The following LHFPL3 variants were observed in gnomAD, a reference collection of about 807,000 sequenced individuals.
The protein encoded by LHFPL3 is LHFPL tetraspan subfamily member 3, also known as LHFPL tetraspan subfamily member 3 protein.
LHFPL3 carries 5 observed loss-of-function variants against 19.3 expected under a neutral mutation model. The observed-to-expected ratio is 0.26, with a 90% CI of 0.14 to 0.54. The LOEUF is 0.54. Among genes scored for constraint, LHFPL3 ranks in the 20% least tolerant of loss-of-function variants. LHFPL3 has a pLI of 0.94. For synonymous variants in LHFPL3, 133 were observed against 126.2 expected, an observed-to-expected ratio of 1.05 and a Z score of -0.36; for missense variants, 249 against 307.4, an observed-to-expected ratio of 0.81 and a Z score of 1.42.
In LHFPL3 at chr7:104,368,652, C is replaced by CGTGTGTGTGTGT. The variant is rs67849394; in HGVS notation, c.445+39445_445+39456dup. On this transcript the variant is annotated intron_variant, in intron 1 of 2. Coordinates refer to ENST00000424859, the MANE Select transcript of LHFPL3 (RefSeq NM_199000.3). ...TCCAGACATGGTGTGCACACATGTA[C>CGTGTGTGTGTGT]GTGTGTGTGTGTGTGTGTGTGTGTG... is the stretch of plus-strand genomic sequence containing the variant. Among the ~76,000 whole-genome samples, 119 of 150,208 alleles carry CGTGTGTGTGTGT rather than the reference C, an allele frequency of 7.9e-4. 1 individual carries two copies. Among genetic ancestry groups the CGTGTGTGTGTGT allele is most frequent in the East Asian group, 1.4e-3 (7 of 5,064 alleles).
At chr7:104,549,292 C>T (rs1159630603) in intron 1 of LHFPL3, among the ~76,000 whole-genome samples, 4 of 147,088 alleles carry the variant, frequency 2.7e-5, no homozygotes, top group African/African-American at 1.1e-4. Flanking sequence ...GTTCTCACGA[C>T]AATCTGAGAA....
chr7:104,345,678 C>T (rs1790051270), intron 1 of LHFPL3, among the ~76,000 whole-genome samples: 2 of 152,004 alleles, frequency 1.3e-5, no homozygotes, highest in South Asian at 2.1e-4. Flanking sequence ...GATATTGAAG[C>T]TACATTCAAT....
chr7:104,677,845 T>A (rs1292658629), intron 1 of LHFPL3, among the ~76,000 whole-genome samples: 2 of 152,246 alleles, frequency 1.3e-5, no homozygotes, highest in East Asian at 3.8e-4. Flanking sequence ...ATAAAAGAAA[T>A]TTAATAAACA....
chr7:104,849,102 T>G (rs910403927), intron 2 of LHFPL3, among the ~76,000 whole-genome samples: 2 of 152,142 alleles, frequency 1.3e-5, no homozygotes, highest in Admixed American at 1.3e-4. Flanking sequence ...GGCTAATTTT[T>G]GTACTTTTAG....
intron 1 of LHFPL3, among the ~76,000 whole-genome samples, chr7:104,578,780 G>C (rs1055868961): frequency 2.6e-5 from 4 of 152,152 alleles, no homozygotes; most frequent in Non-Finnish European, 5.9e-5. Context: ...CCTGAAAATA[G>C]TTAGAATTGA....
intron 2 of LHFPL3, among the ~76,000 whole-genome samples, chr7:104,848,155 A>G (rs531352069): frequency 6.6e-6 from 1 of 152,318 alleles, no homozygotes; most frequent in East Asian, 1.9e-4. Context: ...AATGAGAGGC[A>G]GCTCATCTGG....
At chr7:104,729,153 A>C (rs1455208363) in intron 1 of LHFPL3, among the ~76,000 whole-genome samples, 1 of 152,210 alleles carries the variant, frequency 6.6e-6, no homozygotes, top group African/African-American at 2.4e-5. Context: ...CAGCCTTACT[A>C]AAAATGAAAT....
intron 1 of LHFPL3, among the ~76,000 whole-genome samples, chr7:104,618,945 G>C (rs1383179685): frequency 6.6e-6 from 1 of 152,206 alleles, no homozygotes; most frequent in African/African-American, 2.4e-5. Flanking sequence ...GGCAGCAGAA[G>C]AAGAGGCCCC....
At position 104,532,285 on chromosome 7, in the gene LHFPL3, GT is replaced by G. The variant is rs80134974; in HGVS notation, c.445+203071del. 1.5e-4 allele frequency among the ~76,000 whole-genome samples: 17 copies of G among 109,896 alleles called. 1 individual carries two copies. Among genetic ancestry groups the G allele is most frequent in the Admixed American group, 3.7e-4 (4 of 10,810 alleles). The allele number at this position is 109,896 out of a possible 152,430, so 72.1% of individuals were successfully genotyped here. On this transcript the variant is annotated intron_variant, in intron 1 of 2. Coordinates refer to ENST00000424859, the MANE Select transcript of LHFPL3 (RefSeq NM_199000.3). ...GCATGTGCCACCATGCTTGGCTAAT[GT>G]TTTTTTTTTCTTTTTTTCTTTTTCT...
At chr7:104,525,472 A>G (rs1447322720) in intron 1 of LHFPL3, among the ~76,000 whole-genome samples, 4 of 152,212 alleles carry the variant, frequency 2.6e-5, no homozygotes, top group Admixed American at 2.6e-4. Flanking sequence ...GTATTGGTTC[A>G]TGTAGCAGAA....
At chr7:104,438,604 A>T (rs1285514960) in intron 1 of LHFPL3, among the ~76,000 whole-genome samples, 1 of 152,208 alleles carries the variant, frequency 6.6e-6, no homozygotes, top group Non-Finnish European at 1.5e-5. Context: ...AGAGAAATTT[A>T]TAGCTTACAT....
At chr7:104,668,127 C>T (rs1417489424) in intron 1 of LHFPL3, 28 of 1,613,912 alleles carry the variant, frequency 1.7e-5, no homozygotes, top group Non-Finnish European at 2.4e-5. Flanking sequence ...AGTGCGTTTA[C>T]CACGTGAACC....
intron 2 of LHFPL3, among the ~76,000 whole-genome samples, chr7:104,859,776 T>A (rs1446273976): frequency 2.0e-5 from 3 of 152,234 alleles, no homozygotes; most frequent in South Asian, 2.1e-4. Flanking sequence ...GATACACATC[T>A]GTCAATTTGT....
chr7:104,437,959 G>T (rs558093066), intron 1 of LHFPL3, among the ~76,000 whole-genome samples: 120 of 152,260 alleles, frequency 7.9e-4, no homozygotes, highest in Middle Eastern at 3.4e-3. Flanking sequence ...CTTTAATCAT[G>T]GTTTGGTCCT....
At chr7:104,409,245 A>G (rs1791485819) in intron 1 of LHFPL3, among the ~76,000 whole-genome samples, 1 of 151,878 alleles carries the variant, frequency 6.6e-6, no homozygotes, top group African/African-American at 2.4e-5. Context: ...CTTTTTGTTT[A>G]GAAAATCAGA....
chr7:104,718,284 A>C (rs1032792256), intron 1 of LHFPL3, among the ~76,000 whole-genome samples: 3 of 152,136 alleles, frequency 2.0e-5, no homozygotes, highest in African/African-American at 7.2e-5. Flanking sequence ...AAGAGGGTGA[A>C]TATAATGTCC....
At chr7:104,697,893 C>T (rs1793027667) in intron 1 of LHFPL3, among the ~76,000 whole-genome samples, 1 of 152,146 alleles carries the variant, frequency 6.6e-6, no homozygotes, top group African/African-American at 2.4e-5. Flanking sequence ...CACATTGATT[C>T]CTTCTGAAAT....
intron 1 of LHFPL3, among the ~76,000 whole-genome samples, chr7:104,418,780 C>T (rs1791673611): frequency 6.6e-6 from 1 of 152,152 alleles, no homozygotes; most frequent in African/African-American, 2.4e-5. Context: ...GGAGTGGAGG[C>T]ATTTCAGGTG....
chr7:104,787,235 T>C (rs1789935826), intron 2 of LHFPL3, among the ~76,000 whole-genome samples: 1 of 152,238 alleles, frequency 6.6e-6, no homozygotes, highest in Non-Finnish European at 1.5e-5. Flanking sequence ...CAGTATCATT[T>C]AGATGATTTG....
Sources: allele counts gnomAD v4.1 joint callset (sites outside exome capture counted in the v4.1 genomes callset), GRCh38; gene constraint gnomAD v4.1.1; transcripts MANE v1.5; gene names NCBI Gene and HGNC (gene_info 2026-07-23, HGNC 2026-07-21).